Variants in SYT14 observed in about 807,000 individuals in gnomAD.
SYT14 encodes synaptotagmin 14.
Under a neutral mutation model 74.2 loss-of-function variants are expected in SYT14, and 32 were observed. The observed-to-expected ratio is 0.43, with a 90% CI of 0.33 to 0.58. The LOEUF (loss-of-function observed/expected upper bound fraction) is 0.58. SYT14 is among the 20% of genes least tolerant of loss of function. SYT14 has a pLI of 0.05. For missense variants in SYT14, 791 were observed against 981.8 expected, an observed-to-expected ratio of 0.81 and a Z score of 2.60; for synonymous variants, 298 against 337.7, an observed-to-expected ratio of 0.88 and a Z score of 1.29.
intron 2 of SYT14, among the ~76,000 whole-genome samples, chr1:209,971,528 G>T (rs1336490405): frequency 6.6e-6 from 1 of 152,148 alleles, no homozygotes; most frequent in Non-Finnish European, 1.5e-5. Context: ...GTTTGTCATA[G>T]ATGGGTCTTA....
intron 7 of SYT14, among the ~76,000 whole-genome samples, chr1:210,131,659 G>A (rs538638921): frequency 4.6e-5 from 7 of 152,016 alleles, no homozygotes; most frequent in African/African-American, 1.7e-4. Flanking sequence ...CAGCACCACA[G>A]GATTCATACT....
chr1:210,014,341 T>C (rs142265542), intron 3 of SYT14, among the ~76,000 whole-genome samples: 348 of 151,940 alleles, frequency 2.3e-3, no homozygotes, highest in African/African-American at 7.7e-3. Context: ...CCATATATTA[T>C]AGTGTTACTA....
At chr1:210,080,856 G>A (rs966287397) in intron 5 of SYT14, among the ~76,000 whole-genome samples, 4 of 152,278 alleles carry the variant, frequency 2.6e-5, no homozygotes, top group African/African-American at 9.6e-5. Flanking sequence ...TGGGGAGAGC[G>A]TGGTTATGTT....
At chr1:210,040,240 C>G (rs539230044) in intron 5 of SYT14, among the ~76,000 whole-genome samples, 1 of 152,188 alleles carries the variant, frequency 6.6e-6, no homozygotes, top group East Asian at 1.9e-4. Flanking sequence ...AAGCTGGAAA[C>G]CATCATTCTC....
Position 210,154,462 on chromosome 1 carries a change from G to A in SYT14, c.2035-1259G>A, listed in dbSNP as rs568563733. On this transcript the variant is annotated intron_variant, in intron 7 of 9. Transcript: ENST00000637265. ...GCTGGTGCCAAAAAGGTTGGAGATC[G>A]CTGGTATATTTCATTCAAATTTCAA... 1.2e-4 allele frequency among the ~76,000 whole-genome samples: 18 copies of A among 152,232 alleles called. 1 individual carries two copies. The South Asian group carries it at 3.5e-3, about 30-fold the overall frequency.
rs186906124 is a variant in SYT14, at chr1:210,160,798, G to A, written c.2351G>A (p.Arg784His). The stretch of plus-strand genomic sequence containing the variant: ...ATGTCCAAATGCAAGACATCCATCC[G>A]CAGAGGGCAGCCAAATCCAGTATAT... The change falls in exon 10 of 10, where the codon CGC (arginine) becomes CAC (histidine). Residue 784 changes from arginine (R) to histidine (H), a missense_variant. Transcript: ENST00000637265. 336 of 1,613,886 alleles carry A rather than the reference G, an allele frequency of 2.1e-4. 5 individuals are homozygous for A. In the South Asian group the frequency reaches 3.0e-3, roughly 15 times the overall value.
intron 7 of SYT14, among the ~76,000 whole-genome samples, chr1:210,119,189 G>A (rs574803514): frequency 6.6e-6 from 1 of 152,248 alleles, no homozygotes; most frequent in East Asian, 1.9e-4. Flanking sequence ...TTTCTTCCAA[G>A]AATTATGGAT....
chr1:210,037,562 A>G (rs2080694346), intron 5 of SYT14, among the ~76,000 whole-genome samples: 1 of 149,144 alleles, frequency 6.7e-6, no homozygotes, highest in African/African-American at 2.5e-5. Flanking sequence ...TGTTGTTAAT[A>G]TAGGTACATA....
Position 210,140,548 on chromosome 1 carries a change from T to C in SYT14, c.2035-15173T>C, listed in dbSNP as rs1302230570. On this transcript the variant is annotated intron_variant, in intron 7 of 9. Transcript: ENST00000637265. ...TGATTTTTTCCTTCTGTTGCTTGTG[T>C]TGTTAGTGTCTTATCTATGAAACCA... Among the ~76,000 whole-genome samples, 5 of 152,156 alleles carry C rather than the reference T, an allele frequency of 3.3e-5. No homozygotes were observed. In the East Asian group the frequency reaches 9.6e-4, roughly 29 times the overall value.
intron 5 of SYT14, among the ~76,000 whole-genome samples, chr1:210,065,812 G>A (rs1318879612): frequency 1.3e-5 from 2 of 151,568 alleles, no homozygotes; most frequent in Non-Finnish European, 2.9e-5. Flanking sequence ...TGCCATGTTG[G>A]TGTGCTGCAC....
At chr1:209,970,086 A>G (rs1412714822) in intron 2 of SYT14, among the ~76,000 whole-genome samples, 1 of 151,876 alleles carries the variant, frequency 6.6e-6, no homozygotes, top group Non-Finnish European at 1.5e-5. Flanking sequence ...CCATTTGTCT[A>G]TTTTTGTTTT....
At chr1:209,943,591 T>G (rs1164084452) in intron 1 of SYT14, among the ~76,000 whole-genome samples, 1 of 151,568 alleles carries the variant, frequency 6.6e-6, no homozygotes. Flanking sequence ...ATATACTGGC[T>G]TAATTTATAC....
chr1:209,958,851 A>T (rs867326002), intron 2 of SYT14, among the ~76,000 whole-genome samples: 2 of 152,210 alleles, frequency 1.3e-5, no homozygotes, highest in African/African-American at 2.4e-5. Flanking sequence ...AATAGAACTA[A>T]AAGGATACTC....
At chr1:210,158,330 C>G (rs1427209105) in intron 8 of SYT14, among the ~76,000 whole-genome samples, 1 of 152,090 alleles carries the variant, frequency 6.6e-6, no homozygotes, top group African/African-American at 2.4e-5. Context: ...AGAGTGCACA[C>G]CCTGCCAGAA....
intron 2 of SYT14, among the ~76,000 whole-genome samples, chr1:209,967,655 A>G (rs1049948882): frequency 1.3e-5 from 2 of 152,044 alleles, no homozygotes; most frequent in African/African-American, 4.8e-5. Flanking sequence ...AATGAAGATA[A>G]TCTATTTCAT....
rs1229497659 is a variant in SYT14, at chr1:210,094,322, G to C, written c.1313G>C (p.Gly438Ala). 2.5e-6 allele frequency: 4 copies of C among 1,613,714 alleles called. No homozygotes were observed. In the Admixed American group the frequency reaches 5.0e-5, roughly 20 times the overall value. The change falls in exon 6 of 10, where the codon GGA becomes GCA. Residue 438 changes from glycine (G) to alanine (A), a missense_variant and splice_region_variant. By Grantham distance (60) the Gly-to-Ala change is moderately conservative (BLOSUM62 0). Coordinates refer to ENST00000637265, the Ensembl canonical transcript of SYT14. ...TGACCAGATTCTTAATCATTATCAG[G>C]AAACTGCATTCAGAGAATGAGAAGA...
At chr1:210,131,353 C>A (rs1476312158) in intron 7 of SYT14, among the ~76,000 whole-genome samples, 1 of 151,894 alleles carries the variant, frequency 6.6e-6, no homozygotes, top group Non-Finnish European at 1.5e-5. Flanking sequence ...AAAAAATTTT[C>A]TCCCTTTTAT....
intron 5 of SYT14, among the ~76,000 whole-genome samples, chr1:210,056,223 C>T (rs895162624): frequency 1.4e-4 from 22 of 151,944 alleles, no homozygotes; most frequent in Admixed American, 5.9e-4. Context: ...GCTGTTGTCT[C>T]TCAAGAGCTT....
intron 7 of SYT14, among the ~76,000 whole-genome samples, chr1:210,145,792 A>G (rs992239658): frequency 4.6e-5 from 7 of 152,070 alleles, no homozygotes; most frequent in East Asian, 1.9e-4. Flanking sequence ...GCCCTTCCCT[A>G]TGCCTGCTGA....
Sources: gnomAD v4.1 joint callset for allele counts (sites outside exome capture counted in the v4.1 genomes callset) on GRCh38, gnomAD v4.1.1 for gene constraint, MANE v1.5 for transcripts, NCBI Gene and HGNC (gene_info 2026-07-23, HGNC 2026-07-21) for gene names.